Variants in STK32B observed in about 807,000 individuals in gnomAD.
The protein encoded by STK32B is serine/threonine kinase 32B, also known as serine/threonine-protein kinase 32B.
Under a neutral mutation model 52.6 loss-of-function variants are expected in STK32B, and 43 were observed. The observed-to-expected ratio is 0.82, with a 90% CI of 0.64 to 1.05. The LOEUF (loss-of-function observed/expected upper bound fraction) is 1.05. STK32B is among the 50% of genes least tolerant of loss of function. The probability of loss-of-function intolerance (pLI) is 0.00; values close to 1 mark genes in which losing one functional copy is unlikely to be tolerated. For missense variants in STK32B, 621 were observed against 534.6 expected, an observed-to-expected ratio of 1.16 and a Z score of -1.59; for synonymous variants, 238 against 204.3, an observed-to-expected ratio of 1.17 and a Z score of -1.41.
At chr4:5,389,232 A>T (rs766899486) in intron 4 of STK32B, among the ~76,000 whole-genome samples, 15 of 152,156 alleles carry the variant, frequency 9.9e-5, no homozygotes, top group South Asian at 8.3e-4. Flanking sequence ...CTCCATGATG[A>T]CTCCTCTCAC....
intron 3 of STK32B, among the ~76,000 whole-genome samples, chr4:5,219,552 G>A (rs1723391530): frequency 6.6e-6 from 1 of 152,228 alleles, no homozygotes; most frequent in African/African-American, 2.4e-5. Context: ...CTTCACCAGG[G>A]TCACACAGCA....
intron 1 of STK32B, among the ~76,000 whole-genome samples, chr4:5,067,087 C>T (rs973575782): frequency 2.0e-5 from 3 of 152,166 alleles, no homozygotes; most frequent in African/African-American, 4.8e-5. Flanking sequence ...TCCAGTTCCA[C>T]GTGGCTGAGA....
chr4:5,069,190 C>CTTTTTTT (rs11309394), intron 1 of STK32B, among the ~76,000 whole-genome samples: 1 of 99,582 alleles, frequency 1.0e-5, no homozygotes, highest in Non-Finnish European at 2.0e-5. Flanking sequence ...GGCAGGTTCT[C>CTTTTTTT]TTTTTTTTTT....
chr4:5,316,789 ATATAT>A (rs1730869142), intron 3 of STK32B, among the ~76,000 whole-genome samples: 2 of 56 alleles, frequency 0.036, no homozygotes, highest in Admixed American at 0.25. Flanking sequence ...TATTATACAT[ATATAT>A]TATATATTAT....
At chr4:5,402,911 G>A (rs1377769016) in intron 5 of STK32B, among the ~76,000 whole-genome samples, 1 of 152,166 alleles carries the variant, frequency 6.6e-6, no homozygotes, top group Admixed American at 6.5e-5. Flanking sequence ...GCATGCCGGA[G>A]GTCAGTAGGC....
At chr4:5,223,816 CAAAAA>C (rs1230344719) in intron 3 of STK32B, among the ~76,000 whole-genome samples, 1 of 100,680 alleles carries the variant, frequency 9.9e-6, no homozygotes, top group African/African-American at 3.5e-5. Flanking sequence ...GACTCCGTTT[CAAAAA>C]AAAAAAAAAA....
chr4:5,369,421 T>C (rs1030870701), intron 4 of STK32B, among the ~76,000 whole-genome samples: 2 of 152,066 alleles, frequency 1.3e-5, no homozygotes, highest in South Asian at 4.2e-4. Context: ...TCATTTTCAT[T>C]CTTTCTTCTG....
intron 3 of STK32B, among the ~76,000 whole-genome samples, chr4:5,208,036 C>G (rs558272234): frequency 7.2e-5 from 11 of 152,142 alleles, no homozygotes; most frequent in Admixed American, 5.9e-4. Context: ...AAAAAACAAC[C>G]CCCAGTTTTC....
chr4:5,384,113 C>G (rs1736099409), intron 4 of STK32B, among the ~76,000 whole-genome samples: 1 of 152,178 alleles, frequency 6.6e-6, no homozygotes, highest in Non-Finnish European at 1.5e-5. Context: ...CTCAGCAGAC[C>G]AGTGCAGCCA....
intron 3 of STK32B, among the ~76,000 whole-genome samples, chr4:5,217,421 C>A (rs1435322014): frequency 6.6e-6 from 1 of 152,260 alleles, no homozygotes; most frequent in African/African-American, 2.4e-5. Context: ...ATGACATTGA[C>A]CACAGATTTT....
chr4:5,212,442 C>CT (rs1722961653), intron 3 of STK32B, among the ~76,000 whole-genome samples: 1 of 152,178 alleles, frequency 6.6e-6, no homozygotes, highest in South Asian at 2.1e-4. Flanking sequence ...TAAGTCATGA[C>CT]TTTCTGCACT....
chr4:5,492,726 TCTTA>T (rs1719850298), intron 11 of STK32B, among the ~76,000 whole-genome samples: 1 of 151,312 alleles, frequency 6.6e-6, no homozygotes. Flanking sequence ...CATAGATAGC[TCTTA>T]CTATTTTGAG....
chr4:5,408,232 C>T (rs1737804342), intron 5 of STK32B, among the ~76,000 whole-genome samples: 1 of 152,126 alleles, frequency 6.6e-6, no homozygotes, highest in Non-Finnish European at 1.5e-5. Flanking sequence ...GTGTCTTCCC[C>T]CAAATCTCAT....
intron 3 of STK32B, among the ~76,000 whole-genome samples, chr4:5,179,941 G>A (rs115567286): frequency 0.029 from 4,370 of 152,308 alleles, 86 homozygotes; most frequent in Admixed American, 0.046. Flanking sequence ...AGGCTTGTGG[G>A]CAGTGACAGA....
chr4:5,040,145 C>G, the STK32B span, among the ~76,000 whole-genome samples: 1 of 152,186 alleles, frequency 6.6e-6, no homozygotes, highest in Admixed American at 6.5e-5. Context: ...CATGGCCACT[C>G]CCACCTGCAA....
intron 9 of STK32B, among the ~76,000 whole-genome samples, chr4:5,462,577 C>T (rs1344228832): frequency 6.6e-6 from 1 of 152,158 alleles, no homozygotes; most frequent in East Asian, 1.9e-4. Context: ...CCCCCAAACA[C>T]CTACACCCAC....
intron 3 of STK32B, among the ~76,000 whole-genome samples, chr4:5,229,215 ATATT>A (rs1178273101): frequency 9.4e-6 from 1 of 106,502 alleles, no homozygotes; most frequent in South Asian, 2.9e-4. Flanking sequence ...AGGTACGTCT[ATATT>A]TAGTTTTTTT....
rs185389398 is a variant in STK32B, at chr4:5,106,073, C to A, written c.53-33832C>A. Reference sequence around the variant, plus strand: ...ATCCCAGCACTTTGGGAGGCCGAGGCGGGGGGATCACTTGACATCAAGAGT... The same window carrying A: ...ATCCCAGCACTTTGGGAGGCCGAGGAGGGGGGATCACTTGACATCAAGAGT... On this transcript the variant is annotated intron_variant, in intron 1 of 11. Transcript: ENST00000282908. Among the ~76,000 whole-genome samples the A allele has an allele frequency of 2.7e-3, 410 of 151,648 alleles. 1 individual carries two copies. Among genetic ancestry groups the A allele is most frequent in the Non-Finnish European group, 4.1e-3 (280 of 67,878 alleles).
intron 3 of STK32B, among the ~76,000 whole-genome samples, chr4:5,240,360 C>G (rs1426084372): frequency 6.6e-6 from 1 of 151,980 alleles, no homozygotes; most frequent in Non-Finnish European, 1.5e-5. Flanking sequence ...AATCTTTTGT[C>G]AGTTAGATAC....
Sources: gnomAD v4.1 joint callset for allele counts (sites outside exome capture counted in the v4.1 genomes callset) on GRCh38, gnomAD v4.1.1 for gene constraint, MANE v1.5 for transcripts, NCBI Gene and HGNC (gene_info 2026-07-23, HGNC 2026-07-21) for gene names.